SUGCT: variants seen among roughly 807,000 people sequenced by gnomAD.
SUGCT encodes the protein succinyl-CoA:glutarate CoA-transferase.
In SUGCT, 41 loss-of-function variants were observed where a neutral mutation model predicts 55.0. That is an observed-to-expected ratio of 0.74 (90% CI 0.58 to 0.97). The LOEUF is 0.97. Among genes scored for constraint, SUGCT ranks in the 50% least tolerant of loss-of-function variants. SUGCT has a pLI of 0.00. For missense variants in SUGCT, 568 were observed against 547.8 expected (o/e 1.04, Z -0.37); for synonymous variants, 187 against 200.4 (o/e 0.93, Z 0.56).
intron 12 of SUGCT, among the ~76,000 whole-genome samples, chr7:40,563,982 A>G (rs564907356): frequency 6.6e-6 from 1 of 152,298 alleles, no homozygotes; most frequent in South Asian, 2.1e-4. Flanking sequence ...AATGAGTGGG[A>G]TATGTATATA....
chr7:40,415,268 CAA>C (rs35619419), intron 9 of SUGCT, among the ~76,000 whole-genome samples: 4 of 107,814 alleles, frequency 3.7e-5, no homozygotes, highest in Non-Finnish European at 1.8e-5. Context: ...GACTCCATCT[CAA>C]AAAAAAAAAA....
chr7:40,811,943 A>G (rs570581589), intron 13 of SUGCT, among the ~76,000 whole-genome samples: 1 of 152,234 alleles, frequency 6.6e-6, no homozygotes, highest in African/African-American at 2.4e-5. Flanking sequence ...TGTTCATTCA[A>G]TGCCAAGTTT....
chr7:40,365,318 CA>C (rs1308137645), intron 9 of SUGCT, among the ~76,000 whole-genome samples: 1 of 151,864 alleles, frequency 6.6e-6, no homozygotes, highest in Non-Finnish European at 1.5e-5. Context: ...ACTGAATGGG[CA>C]AAAACTGGAA....
At chr7:40,499,778 A>T (rs1001321802) in intron 12 of SUGCT, among the ~76,000 whole-genome samples, 1 of 152,204 alleles carries the variant, frequency 6.6e-6, no homozygotes, top group Non-Finnish European at 1.5e-5. Flanking sequence ...TCATTTTTCC[A>T]AGTGCTTTCT....
chr7:40,564,234 G>T (rs1796002866), intron 12 of SUGCT, among the ~76,000 whole-genome samples: 2 of 152,222 alleles, frequency 1.3e-5, no homozygotes, highest in South Asian at 4.1e-4. Flanking sequence ...AAATTAGCCG[G>T]GTGTGGTAGC....
chr7:40,193,122 A>G (rs1312986395), intron 5 of SUGCT, among the ~76,000 whole-genome samples: 1 of 151,086 alleles, frequency 6.6e-6, no homozygotes, highest in Non-Finnish European at 1.5e-5. Context: ...ATGTGCCACC[A>G]TGCCTGGCTA....
intron 12 of SUGCT, among the ~76,000 whole-genome samples, chr7:40,589,910 C>G (rs78269747): frequency 0.046 from 6,956 of 152,246 alleles, 223 homozygotes; most frequent in Middle Eastern, 0.099. Flanking sequence ...CATTGTACTT[C>G]ACTTAATTAC....
At chr7:40,819,241 G>A (rs771836612) in intron 13 of SUGCT, among the ~76,000 whole-genome samples, 50 of 151,868 alleles carry the variant, frequency 3.3e-4, no homozygotes, top group African/African-American at 8.0e-4. Flanking sequence ...TCTTTATAGC[G>A]GCATGATTTA....
intron 1 of SUGCT, among the ~76,000 whole-genome samples, chr7:40,151,158 T>C (rs1788549090): frequency 6.6e-6 from 1 of 152,174 alleles, no homozygotes; most frequent in African/African-American, 2.4e-5. Flanking sequence ...GAGAATCGCT[T>C]GAACCCGGGA....
chr7:40,810,216 C>A (rs1472958817), intron 13 of SUGCT, among the ~76,000 whole-genome samples: 2 of 151,998 alleles, frequency 1.3e-5, no homozygotes, highest in Admixed American at 1.3e-4. Context: ...GCCTCAACCT[C>A]CCAGGCCCAA....
intron 8 of SUGCT, 148 bp from the exon 9 acceptor site, chr7:40,316,612 C>T (rs1339239962): frequency 3.8e-6 from 2 of 531,584 alleles, no homozygotes; most frequent in East Asian, 3.0e-5. Context: ...GATAAAAGTA[C>T]AATGCCTGTA....
intron 12 of SUGCT, among the ~76,000 whole-genome samples, chr7:40,568,533 CCT>C (rs1562867669): frequency 6.6e-6 from 1 of 152,152 alleles, no homozygotes; most frequent in Non-Finnish European, 1.5e-5. Context: ...CCAGAGATTG[CCT>C]CTTTCCTGGG....
At chr7:40,235,929 C>G (rs542137827) in intron 6 of SUGCT, among the ~76,000 whole-genome samples, 9 of 152,238 alleles carry the variant, frequency 5.9e-5, no homozygotes, top group Non-Finnish European at 1.2e-4. Context: ...CTTCCTAAAG[C>G]AGCATATGCA....
intron 9 of SUGCT, among the ~76,000 whole-genome samples, chr7:40,448,539 C>A (rs1300118624): frequency 1.3e-5 from 2 of 151,740 alleles, no homozygotes. Context: ...CTAAATGAAA[C>A]CAACTATCCA....
chr7:40,963,143 T>G, the SUGCT span, among the ~76,000 whole-genome samples: 15 of 152,216 alleles, frequency 9.9e-5, no homozygotes, highest in African/African-American at 3.6e-4. Context: ...ATTATTTGAA[T>G]TATTCCCACA....
At chr7:41,011,252 G>A in the SUGCT span, among the ~76,000 whole-genome samples, 2 of 152,202 alleles carry the variant, frequency 1.3e-5, no homozygotes, top group East Asian at 1.9e-4. Flanking sequence ...GAACAAGCAG[G>A]CACTCAGAAG....
rs541964348 is a variant in SUGCT at position 40,426,302 on chromosome 7, A to T, written c.817-22985A>T. On this transcript the variant is annotated intron_variant, in intron 9 of 13. Transcript: ENST00000335693. The stretch of plus-strand genomic sequence containing the variant: ...GATAATTGGTTTGATTATAGCACGG[A>T]GACTGTTATGATTTATGGTATATGC... Among the ~76,000 whole-genome samples the T allele has an allele frequency of 5.3e-5, 8 of 152,272 alleles. No homozygotes were observed. The South Asian group carries it at 6.2e-4, about 12-fold the overall frequency.
the SUGCT span, among the ~76,000 whole-genome samples, chr7:40,919,905 C>T: frequency 5.9e-5 from 9 of 152,216 alleles, no homozygotes; most frequent in African/African-American, 2.2e-4. Flanking sequence ...TTTAACAGCC[C>T]TTCTGCACCT....
chr7:40,562,612 C>A (rs1795902200), intron 12 of SUGCT, among the ~76,000 whole-genome samples: 2 of 152,062 alleles, frequency 1.3e-5, no homozygotes. Context: ...AGACTGAAGA[C>A]AAAGGTATTA....
Sources: gnomAD v4.1 joint callset for allele counts (sites outside exome capture counted in the v4.1 genomes callset) on GRCh38, gnomAD v4.1.1 for gene constraint, MANE v1.5 for transcripts, NCBI Gene and HGNC (gene_info 2026-07-23, HGNC 2026-07-21) for gene names.